TDP1: variants seen among roughly 807,000 people sequenced by gnomAD.
TDP1 encodes tyrosyl-DNA phosphodiesterase 1.
TDP1 carries 64 observed loss-of-function variants against 81.5 expected under a neutral mutation model. That is an observed-to-expected ratio of 0.79 (90% CI 0.64 to 0.97). The LOEUF is 0.97. Among genes scored for constraint, TDP1 ranks in the 50% least tolerant of loss-of-function variants. The pLI is 0.00. For synonymous variants in TDP1, 256 were observed against 264.3 expected (o/e 0.97, Z 0.30); for missense variants, 723 against 743.8 (o/e 0.97, Z 0.33).
At chr14:89,978,961 CT>C (rs148839615) in intron 7 of TDP1, among the ~76,000 whole-genome samples, 4,687 of 152,246 alleles carry the variant, frequency 0.031, 115 homozygotes, top group African/African-American at 0.067. Flanking sequence ...TTCTCGTACC[CT>C]TTTTCTTATC....
intron 15 of TDP1, among the ~76,000 whole-genome samples, chr14:90,030,692 A>G (rs562856394): frequency 3.4e-4 from 52 of 152,270 alleles, no homozygotes; most frequent in Admixed American, 2.3e-3. Flanking sequence ...TTGAACACCT[A>G]CTATGTACCA....
chr14:90,041,505 C>T (rs1236583608), intron 16 of TDP1, among the ~76,000 whole-genome samples: 2 of 152,168 alleles, frequency 1.3e-5, no homozygotes, highest in African/African-American at 2.4e-5. Context: ...CTGAACAAAC[C>T]GTGAGGCTGC....
At chr14:90,035,853 C>T (rs1307810112) in intron 16 of TDP1, among the ~76,000 whole-genome samples, 2 of 151,666 alleles carry the variant, frequency 1.3e-5, no homozygotes, top group African/African-American at 4.9e-5. Flanking sequence ...CAGCCCTGCA[C>T]CCTGGCTGGA....
chr14:89,970,664 A>G (rs918678439), intron 5 of TDP1: 3 of 213,360 alleles, frequency 1.4e-5, no homozygotes, highest in African/African-American at 7.0e-5. Context: ...GAATCAGGCC[A>G]TGTAGCCCCA....
In TDP1 at chr14:90,032,769, T is replaced by C. The variant is rs1387741956; in HGVS notation, c.1645-337T>C. ...TTTTGAGGTATTTTTATACAGTGAG[T>C]TCTACAAACTCCCTGCAAACTGTAC... is the stretch of plus-strand genomic sequence containing the variant. On this transcript the variant is annotated intron_variant, in intron 15 of 16. Transcript: ENST00000335725. 3.0e-6 allele frequency: 3 copies of C among 985,316 alleles called. No individual in the cohort carries two copies. The East Asian group carries it at 3.4e-4, about 112-fold the overall frequency. The allele number at this position is 985,316 out of a possible 1,614,324, so 61.0% of individuals were successfully genotyped here. A position where few individuals can be genotyped will look rare whatever the true frequency, so the allele number is the denominator to read the frequency against.
At chr14:90,034,126 G>A (rs1272468958) in intron 16 of TDP1, among the ~76,000 whole-genome samples, 1 of 152,138 alleles carries the variant, frequency 6.6e-6, no homozygotes, top group African/African-American at 2.4e-5. Flanking sequence ...CAAGGAAAGT[G>A]GTGTTTTATG....
chr14:90,008,105 G>A (rs1227039391), intron 14 of TDP1, among the ~76,000 whole-genome samples: 3 of 152,162 alleles, frequency 2.0e-5, no homozygotes, highest in African/African-American at 7.2e-5. Flanking sequence ...AGCAGGGTTT[G>A]TTGTATTTCT....
intron 12 of TDP1, among the ~76,000 whole-genome samples, chr14:89,990,092 C>A (rs547521309): frequency 6.6e-6 from 1 of 152,172 alleles, no homozygotes; most frequent in African/African-American, 2.4e-5. Context: ...TCCAACATAC[C>A]TTCCTCTCAT....
intron 15 of TDP1, among the ~76,000 whole-genome samples, chr14:90,025,249 G>T (rs1375758868): frequency 6.6e-6 from 1 of 152,218 alleles, no homozygotes; most frequent in Non-Finnish European, 1.5e-5. Flanking sequence ...CTGGAACCAA[G>T]TTGCCGTGTG....
chr14:89,982,038 C>A (rs1214464243), intron 8 of TDP1, among the ~76,000 whole-genome samples: 2 of 152,068 alleles, frequency 1.3e-5, no homozygotes, highest in East Asian at 1.9e-4. Context: ...GAGTGCACTG[C>A]GCAGGACAAA....
intron 7 of TDP1, chr14:89,980,161 A>G (rs374867673): frequency 2.0e-6 from 2 of 985,468 alleles, no homozygotes; most frequent in Non-Finnish European, 2.4e-6. Context: ...AATGCCAGCC[A>G]TGATGCAGCA....
At position 89,963,154 on chromosome 14, in the gene TDP1, A is replaced by G; in HGVS notation, c.40A>G (p.Ser14Gly). The G allele has an allele frequency of 6.2e-7, 1 of 1,614,120 alleles. No individual in the cohort carries two copies. ...CGATTATGGGAGGTGGACCATATCT[A>G]GTAGTGATGAAAGTGAGGAAGAAAA... ...EGDYGRWTIS[S>G]SDESEEEKPK... is the part of the protein sequence containing the mutation. The change falls in exon 3 of 17, where the codon AGT (serine) becomes GGT (glycine). Residue 14 changes from serine to glycine, a missense_variant. Transcript: ENST00000335725.
At chr14:90,019,164 C>A in intron 14 of TDP1, 152 bp from the exon 15 acceptor site, 1 of 1,430,128 alleles carries the variant, frequency 7.0e-7, no homozygotes, top group Non-Finnish European at 9.5e-7. Context: ...ATTTTAAATT[C>A]TCTTTTCAAA....
intron 15 of TDP1, among the ~76,000 whole-genome samples, chr14:90,026,116 T>A (rs995511259): frequency 1.3e-5 from 2 of 152,370 alleles, no homozygotes; most frequent in Non-Finnish European, 2.9e-5. Flanking sequence ...TCTGTTCTGT[T>A]TAAATTTTTT....
At chr14:90,008,299 T>G (rs1207023441) in intron 14 of TDP1, among the ~76,000 whole-genome samples, 1 of 152,222 alleles carries the variant, frequency 6.6e-6, no homozygotes, top group Non-Finnish European at 1.5e-5. Flanking sequence ...TCTACCTAAT[T>G]TCTTTAGATC....
chr14:89,959,690 C>T (rs1190672541), intron 2 of TDP1, among the ~76,000 whole-genome samples: 2 of 152,160 alleles, frequency 1.3e-5, no homozygotes, highest in Non-Finnish European at 2.9e-5. Flanking sequence ...TTTTTATCCT[C>T]TTGTCCTACT....
At chr14:90,025,553 A>T (rs1419692745) in intron 15 of TDP1, among the ~76,000 whole-genome samples, 1 of 152,208 alleles carries the variant, frequency 6.6e-6, no homozygotes, top group Non-Finnish European at 1.5e-5. Context: ...CCCAGTACTT[A>T]GTGATGTTTG....
At position 89,981,594 on chromosome 14, in the gene TDP1, A is replaced by G. The variant is rs1393297235; in HGVS notation, c.884+962A>G. 1.2e-5 allele frequency: 5 copies of G among 408,734 alleles called. No homozygotes were observed. In the East Asian group the frequency reaches 3.0e-4, roughly 24 times the overall value. The allele number at this position is 408,734 out of a possible 1,614,324, so 25.3% of individuals were successfully genotyped here. ...TTTCTCTGTCATCCTCCTCTGCCTC[A>G]CCCTGCCCCATATCATTGCCTAGCT... On this transcript the variant is annotated intron_variant, in intron 8 of 16. Coordinates refer to ENST00000335725, the MANE Select transcript of TDP1 (RefSeq NM_018319.4).
intron 12 of TDP1, among the ~76,000 whole-genome samples, chr14:89,990,809 A>G (rs2140126557): frequency 6.6e-6 from 1 of 152,140 alleles, no homozygotes; most frequent in Non-Finnish European, 1.5e-5. Flanking sequence ...TTGGATATAG[A>G]TCTCTTTGGG....
Sources: allele counts gnomAD v4.1 joint callset (sites outside exome capture counted in the v4.1 genomes callset), GRCh38; gene constraint gnomAD v4.1.1; transcripts MANE v1.5; gene names NCBI Gene and HGNC (gene_info 2026-07-23, HGNC 2026-07-21).